TNNI3K: variants seen among roughly 807,000 people sequenced by gnomAD.
TNNI3K encodes the protein serine/threonine-protein kinase TNNI3K.
Under a neutral mutation model 114.5 loss-of-function variants are expected in TNNI3K, and 140 were observed. The observed-to-expected ratio is 1.22, with a 90% CI of 1.07 to 1.41. TNNI3K has a LOEUF of 1.41. TNNI3K is among the 40% of genes most tolerant of loss of function. The pLI is 0.00. For missense variants in TNNI3K, 1,125 were observed against 1,007.6 expected, an observed-to-expected ratio of 1.12 and a Z score of -1.58; for synonymous variants, 347 against 347.5, an observed-to-expected ratio of 1.00 and a Z score of 0.02.
At chr1:74,267,487 C>A (rs1397876460) in intron 4 of TNNI3K, among the ~76,000 whole-genome samples, 3 of 151,934 alleles carry the variant, frequency 2.0e-5, no homozygotes, top group Non-Finnish European at 4.4e-5. Flanking sequence ...AAGTAAGGTT[C>A]AGTTAGCACT....
intron 23 of TNNI3K, among the ~76,000 whole-genome samples, chr1:74,528,693 G>A (rs1646540220): frequency 6.6e-6 from 1 of 152,242 alleles, no homozygotes; most frequent in African/African-American, 2.4e-5. Context: ...TGCTTTGACA[G>A]AGCAAAGTCT....
intron 21 of TNNI3K, among the ~76,000 whole-genome samples, chr1:74,473,834 A>G (rs1445974512): frequency 1.3e-5 from 2 of 152,268 alleles, no homozygotes; most frequent in African/African-American, 4.8e-5. Context: ...AGTCTCAGAG[A>G]GTTCTGTGAC....
intron 5 of TNNI3K, among the ~76,000 whole-genome samples, chr1:74,296,851 A>C (rs1204542424): frequency 6.6e-6 from 1 of 152,108 alleles, no homozygotes; most frequent in Admixed American, 6.6e-5. Context: ...TGCTATTTTA[A>C]ATTTTTTTCC....
chr1:74,391,065 C>T (rs2100568459), intron 17 of TNNI3K, among the ~76,000 whole-genome samples: 1 of 151,192 alleles, frequency 6.6e-6, no homozygotes, highest in South Asian at 2.1e-4. Context: ...CATGTATGTC[C>T]TGTGGGCCAT....
chr1:74,499,107 C>A (rs745432012), intron 23 of TNNI3K, among the ~76,000 whole-genome samples: 2 of 152,150 alleles, frequency 1.3e-5, no homozygotes, highest in Non-Finnish European at 2.9e-5. Context: ...AATGCAGGTG[C>A]GTGCACACTG....
At chr1:74,364,658 A>T (rs1245513014) in intron 11 of TNNI3K, among the ~76,000 whole-genome samples, 1 of 151,862 alleles carries the variant, frequency 6.6e-6, no homozygotes, top group African/African-American at 2.4e-5. Context: ...ACTTTAAGAG[A>T]TAGATTATCC....
chr1:74,479,245 G>A (rs760919762), intron 21 of TNNI3K, among the ~76,000 whole-genome samples: 1 of 152,034 alleles, frequency 6.6e-6, no homozygotes, highest in African/African-American at 2.4e-5. Flanking sequence ...CACACACATC[G>A]AGCTAGATAA....
chr1:74,463,662 A>G (rs917367606), intron 21 of TNNI3K, 112 bp downstream of exon 21: 1 of 1,217,486 alleles, frequency 8.2e-7, no homozygotes, highest in African/African-American at 1.5e-5. Context: ...CAAGGCGGGA[A>G]GACTGATTTG....
At chr1:74,313,431 T>A (rs1226705075) in intron 5 of TNNI3K, among the ~76,000 whole-genome samples, 1 of 152,210 alleles carries the variant, frequency 6.6e-6, no homozygotes, top group East Asian at 1.9e-4. Context: ...CCTAGACTCA[T>A]AATTTTCTGA....
chr1:74,355,621 AAATAAATAAATG>A (rs1179786602), intron 11 of TNNI3K, among the ~76,000 whole-genome samples: 1 of 152,056 alleles, frequency 6.6e-6, no homozygotes, highest in Non-Finnish European at 1.5e-5. Flanking sequence ...ATAAATAAAT[AAATAAATAAATG>A]AATAAATAAA....
chr1:74,298,653 T>G (rs1338457564), intron 5 of TNNI3K, among the ~76,000 whole-genome samples: 1 of 152,068 alleles, frequency 6.6e-6, no homozygotes, highest in African/African-American at 2.4e-5. Flanking sequence ...ACTTTATACT[T>G]AATAAGTTTG....
chr1:74,353,416 A>G, intron 10 of TNNI3K, 56 bp downstream of exon 10: 1 of 1,593,352 alleles, frequency 6.3e-7, no homozygotes. Context: ...GATTAAGAAT[A>G]ATGGTATGCA....
In TNNI3K at chr1:74,439,610, C is replaced by T. The variant is rs1414923990; in HGVS notation, c.1999C>T (p.His667Tyr). The change falls in exon 20 of 25, where the codon CAT becomes TAT. Residue 667 changes from histidine to tyrosine, a missense_variant. Transcript: ENST00000326637. Reference sequence around the variant, plus strand: ...TCTCACTGGCGAAATTCCATTCGCTCATCTCAAGCCAGGTAAGACACACTG... The same window carrying T: ...TCTCACTGGCGAAATTCCATTCGCTTATCTCAAGCCAGGTAAGACACACTG... ...EILTGEIPFA[H>Y]LKPAAAAADM... 1.2e-6 allele frequency: 2 copies of T among 1,613,392 alleles called. No homozygotes were observed. Among genetic ancestry groups the T allele is most frequent in the Middle Eastern group, 3.3e-4 (2 of 6,056 alleles).
intron 23 of TNNI3K, among the ~76,000 whole-genome samples, chr1:74,501,443 A>C (rs894333759): frequency 6.6e-6 from 1 of 151,982 alleles, no homozygotes; most frequent in Admixed American, 6.6e-5. Context: ...AGACCAACCA[A>C]AACTTCAACT....
At chr1:74,307,327 A>T (rs1054064258) in intron 5 of TNNI3K, among the ~76,000 whole-genome samples, 3 of 152,156 alleles carry the variant, frequency 2.0e-5, no homozygotes, top group African/African-American at 7.2e-5. Flanking sequence ...AAAGACATAG[A>T]GTTGCAAATT....
intron 20 of TNNI3K, among the ~76,000 whole-genome samples, chr1:74,459,112 G>A (rs1278934271): frequency 1.3e-5 from 2 of 152,070 alleles, no homozygotes; most frequent in African/African-American, 2.4e-5. Flanking sequence ...ACAGAGGATT[G>A]GATAAAGAAA....
intron 20 of TNNI3K, among the ~76,000 whole-genome samples, chr1:74,444,351 A>C (rs1165494819): frequency 6.6e-6 from 1 of 152,020 alleles, no homozygotes; most frequent in Non-Finnish European, 1.5e-5. Flanking sequence ...ATACAAATCA[A>C]TGTGCAAAAA....
intron 23 of TNNI3K, among the ~76,000 whole-genome samples, chr1:74,513,330 C>T (rs1361299504): frequency 6.6e-6 from 1 of 152,176 alleles, no homozygotes; most frequent in African/African-American, 2.4e-5. Context: ...ACTAGGTGTT[C>T]TTATCAGAGT....
At chr1:74,265,219 T>C (rs1655898515) in intron 4 of TNNI3K, among the ~76,000 whole-genome samples, 1 of 151,814 alleles carries the variant, frequency 6.6e-6, no homozygotes, top group Admixed American at 6.6e-5. Context: ...GTACAAGAGG[T>C]TTATTTAAAG....
Sources: allele counts gnomAD v4.1 joint callset (sites outside exome capture counted in the v4.1 genomes callset), GRCh38; gene constraint gnomAD v4.1.1; transcripts MANE v1.5; gene names NCBI Gene and HGNC (gene_info 2026-07-23, HGNC 2026-07-21).